CENPK: variants seen among roughly 807,000 people sequenced by gnomAD.
The protein encoded by CENPK is SoxLZ/Sox6-binding protein Solt.
A neutral mutation model predicts 40.9 loss-of-function variants in CENPK; 46 were observed. The observed-to-expected ratio is 1.13, with a 90% CI of 0.89 to 1.44. CENPK has a LOEUF of 1.44. CENPK is among the 40% of genes most tolerant of loss of function. The pLI is 0.00. For missense variants in CENPK, 288 were observed against 303.5 expected, an observed-to-expected ratio of 0.95 and a Z score of 0.38; for synonymous variants, 107 against 104.4, an observed-to-expected ratio of 1.02 and a Z score of -0.15.
At chr5:65,505,700 T>A in the CENPK span, among the ~76,000 whole-genome samples, 5 of 152,256 alleles carry the variant, frequency 3.3e-5, no homozygotes, top group African/African-American at 1.2e-4. Context: ...TTAGCTTTTT[T>A]ATCCTGCACA....
intron 6 of CENPK, among the ~76,000 whole-genome samples, chr5:65,531,179 AAT>A (rs1745740099): frequency 6.6e-6 from 1 of 152,110 alleles, no homozygotes; most frequent in African/African-American, 2.4e-5. Context: ...CCCCCAGAAA[AAT>A]ATAAATCAAT....
intron 2 of CENPK, among the ~76,000 whole-genome samples, chr5:65,559,806 T>C (rs2150562860): frequency 6.6e-6 from 1 of 152,192 alleles, no homozygotes; most frequent in East Asian, 1.9e-4. Flanking sequence ...TGACTTTCTA[T>C]ATTCACATAC....
In CENPK at chr5:65,525,149, A is replaced by G. The variant is rs572955531; in HGVS notation, c.597+3303T>C. Among the ~76,000 whole-genome samples, 17 of 152,292 alleles carry G rather than the reference A, an allele frequency of 1.1e-4. No individual in the cohort carries two copies. In the South Asian group the frequency reaches 3.5e-3, roughly 32 times the overall value. On this transcript the variant is annotated intron_variant, in intron 9 of 10. Transcript: ENST00000396679. The stretch of plus-strand genomic sequence containing the variant: ...TGAGGTGGGTGGATCACCTGAGGTC[A>G]GGAGATCGAGACCAGCCTGGCCAAT...
At position 65,551,628 on chromosome 5, in the gene CENPK, CAAT is replaced by C; in HGVS notation, c.174_176del (p.Leu60del). The C allele has an allele frequency of 6.4e-7, 1 of 1,557,762 alleles. No homozygotes were observed. Among genetic ancestry groups the C allele is most frequent in the African/African-American group, 1.4e-5 (1 of 73,018 alleles). On this transcript the variant is annotated inframe_deletion, in exon 5 of 11. Coordinates refer to ENST00000396679, the MANE Select transcript of CENPK (RefSeq NM_022145.5). ...TTAAACATTTTACTTGCATAATTAA[CAAT>C]GATAGCTACAAAAGAAGAAAACAAA...
chr5:65,495,657 T>A, the CENPK span, among the ~76,000 whole-genome samples: 6 of 152,216 alleles, frequency 3.9e-5, no homozygotes, highest in Admixed American at 6.5e-5. Context: ...CAAGAAAATT[T>A]ATTATAAAAT....
intron 5 of CENPK, among the ~76,000 whole-genome samples, chr5:65,547,659 C>G (rs1581049160): frequency 6.6e-6 from 1 of 151,858 alleles, no homozygotes; most frequent in Non-Finnish European, 1.5e-5. Flanking sequence ...AAGATTGCTC[C>G]TTGGGGAATT....
At chr5:65,510,813 C>T in the CENPK span, among the ~76,000 whole-genome samples, 1 of 151,564 alleles carries the variant, frequency 6.6e-6, no homozygotes, top group Non-Finnish European at 1.5e-5. Context: ...ATGGTTTACG[C>T]AATTCATTAA....
At chr5:65,515,705 G>T (rs1321875075), downstream of CENPK, among the ~76,000 whole-genome samples, 3 of 152,072 alleles carry the variant, frequency 2.0e-5, no homozygotes, top group East Asian at 5.8e-4. Context: ...TTTTTGAAAA[G>T]AATAAGTTAA....
intron 10 of CENPK, among the ~76,000 whole-genome samples, chr5:65,520,944 T>C (rs1381540881): frequency 6.6e-6 from 1 of 152,212 alleles, no homozygotes; most frequent in Non-Finnish European, 1.5e-5. Context: ...CAAAGGTATT[T>C]ATAAAACAAG....
At chr5:65,509,811 GTC>G in the CENPK span, among the ~76,000 whole-genome samples, 1 of 152,266 alleles carries the variant, frequency 6.6e-6, no homozygotes, top group Non-Finnish European at 1.5e-5. Flanking sequence ...CTCACTTTGT[GTC>G]TCTCTGTAAC....
chr5:65,522,342 T>A (rs1212070072), intron 9 of CENPK, among the ~76,000 whole-genome samples: 5 of 152,124 alleles, frequency 3.3e-5, no homozygotes, highest in African/African-American at 1.2e-4. Flanking sequence ...TACCCAAGAG[T>A]TCCTCAAATA....
chr5:65,530,523 G>T (rs903896833), intron 6 of CENPK, among the ~76,000 whole-genome samples: 74 of 152,254 alleles, frequency 4.9e-4, no homozygotes, highest in African/African-American at 1.8e-3. Context: ...GGGATTTCAG[G>T]AACAACAAAG....
the CENPK span, among the ~76,000 whole-genome samples, chr5:65,509,159 G>C: frequency 2.0e-5 from 3 of 152,206 alleles, no homozygotes; most frequent in African/African-American, 7.2e-5. Flanking sequence ...TTGTCTTGGC[G>C]TATCTCCTGT....
chr5:65,550,186 A>T (rs1490493295), intron 5 of CENPK, among the ~76,000 whole-genome samples: 2 of 151,842 alleles, frequency 1.3e-5, no homozygotes, highest in Admixed American at 1.3e-4. Flanking sequence ...AAAAAAAAAA[A>T]AAAAAAAAAA....
rs1167049128 is a variant in CENPK, at chr5:65,534,202, A to G, written c.289-5003T>C. ...AACTACAAAACACTGGTGAGACAAA[A>G]TGTTTAAATATCAAATAAATGGGGA... On this transcript the variant is annotated intron_variant, in intron 6 of 10. Coordinates refer to ENST00000396679, the MANE Select transcript of CENPK (RefSeq NM_022145.5). Among the ~76,000 whole-genome samples the G allele has an allele frequency of 2.0e-5, 3 of 152,264 alleles. No individual in the cohort carries two copies. In the East Asian group the frequency reaches 5.8e-4, roughly 29 times the overall value.
chr5:65,515,093 TA>T (rs1742768099), downstream of CENPK, among the ~76,000 whole-genome samples: 1 of 152,158 alleles, frequency 6.6e-6, no homozygotes, highest in Non-Finnish European at 1.5e-5. Context: ...TTGCTTTTTC[TA>T]ATTTCCTAAA....
the CENPK span, among the ~76,000 whole-genome samples, chr5:65,501,565 G>A: frequency 6.6e-6 from 1 of 150,784 alleles, no homozygotes; most frequent in Non-Finnish European, 1.5e-5. Context: ...ATTGTACCCT[G>A]GACATTTTGG....
intron 9 of CENPK, among the ~76,000 whole-genome samples, chr5:65,527,418 A>C (rs961569884): frequency 5.3e-5 from 8 of 150,046 alleles, no homozygotes; most frequent in African/African-American, 1.7e-4. Context: ...CCCTAGGGAG[A>C]CATGAAAGAT....
rs56732964 is a variant in CENPK, at chr5:65,550,174, CA to C, written c.241+1389del. 6.1e-3 allele frequency among the ~76,000 whole-genome samples: 361 copies of C among 59,492 alleles called. 1 individual carries two copies. The highest frequency in any genetic ancestry group is 9.4e-3 in the Middle Eastern group (1 of 106). The allele number at this position is 59,492 out of a possible 152,430, so 39.0% of individuals were successfully genotyped here. On this transcript the variant is annotated intron_variant, in intron 5 of 10. Coordinates refer to ENST00000396679, the MANE Select transcript of CENPK (RefSeq NM_022145.5). ...AGTGCAACAGAGCAAGACTCCATCT[CA>C]AAAAAAAAAAAAAAAAAAAAAAAAT...
Sources: allele counts gnomAD v4.1 joint callset (sites outside exome capture counted in the v4.1 genomes callset), GRCh38; gene constraint gnomAD v4.1.1; transcripts MANE v1.5; gene names NCBI Gene and HGNC (gene_info 2026-07-23, HGNC 2026-07-21).